ELP6: variants seen among roughly 807,000 people sequenced by gnomAD.
ELP6 encodes the protein elongator complex protein 6.
Under a neutral mutation model 28.1 loss-of-function variants are expected in ELP6, and 23 were observed. The observed-to-expected ratio is 0.82, with a 90% CI of 0.59 to 1.16. ELP6 has a LOEUF of 1.16. Ranked by LOEUF, ELP6 falls within the 50% of genes most tolerant of loss-of-function variation. The probability of loss-of-function intolerance (pLI) is 0.00; values close to 1 mark genes in which losing one functional copy is unlikely to be tolerated. For missense variants in ELP6, 313 were observed against 334.6 expected (o/e 0.94, Z 0.50); for synonymous variants, 132 against 135.8 (o/e 0.97, Z 0.19).
chr3:47,510,139 A>T, intron 3 of ELP6, 45 bp downstream of exon 3: 1 of 1,423,752 alleles, frequency 7.0e-7, no homozygotes, highest in Non-Finnish European at 9.9e-7. Flanking sequence ...TGTGTGACAC[A>T]CACACTCACT....
At position 47,501,762 on chromosome 3, in the gene ELP6, T is replaced by C. The variant is rs1387178847; in HGVS notation, c.413A>G (p.Tyr138Cys). 1.2e-6 allele frequency: 2 copies of C among 1,605,704 alleles called. No individual in the cohort carries two copies. The highest frequency in any genetic ancestry group is 2.8e-5 in the African/African-American group (2 of 72,174). Reference sequence around the variant, plus strand: ...GAGGTCGTCCACCAACAGCACCGGGTACGTCCACCGAGCCTCTCCACTGTC... The same window carrying C: ...GAGGTCGTCCACCAACAGCACCGGGCACGTCCACCGAGCCTCTCCACTGTC... ...PVDSGEARWT[Y>C]PVLLVDDLSV... The change falls in exon 5 of 7, where the codon TAC becomes TGC. Residue 138 changes from tyrosine to cysteine, a missense_variant. Tyr to Cys is a radical substitution (Grantham distance 194). Coordinates refer to ENST00000296149, the MANE Select transcript of ELP6 (RefSeq NM_001031703.3).
At chr3:47,502,808 C>T (rs1345737688) in intron 4 of ELP6, among the ~76,000 whole-genome samples, 2 of 151,978 alleles carry the variant, frequency 1.3e-5, no homozygotes. Context: ...CCACTGCACT[C>T]CAGCTTGGAA....
At chr3:47,496,603 C>T in intron 6 of ELP6, 1 of 695,906 alleles carries the variant, frequency 1.4e-6, no homozygotes, top group Non-Finnish European at 1.8e-6. Context: ...TCAGGCAATT[C>T]TCCTGCTTCA....
chr3:47,501,400 G>C, intron 5 of ELP6: 1 of 520,084 alleles, frequency 1.9e-6, no homozygotes, highest in Non-Finnish European at 3.5e-6. Context: ...ACAGACCTGG[G>C]ACTGCAGCGG....
chr3:47,511,608 T>C (rs1709020130), intron 1 of ELP6: 1 of 636,050 alleles, frequency 1.6e-6, no homozygotes, highest in Non-Finnish European at 2.0e-6. Flanking sequence ...TTGCTAGGAC[T>C]GGAAGAGGCC....
At chr3:47,505,977 C>T (rs990455624) in intron 3 of ELP6, among the ~76,000 whole-genome samples, 50 of 152,146 alleles carry the variant, frequency 3.3e-4, no homozygotes, top group Admixed American at 2.6e-3. Flanking sequence ...AAACCTGCCC[C>T]GATAGTCACG....
Position 47,513,684 on chromosome 3 carries a change from C to A in ELP6, c.-94G>T, listed in dbSNP as rs916760838. ...GCAAAACACACCCGACAGCCCGGCTCGCGCAAGGAAGCGCGCATGCGCAAT... is the reference window on the plus strand; with the variant it reads ...GCAAAACACACCCGACAGCCCGGCTAGCGCAAGGAAGCGCGCATGCGCAAT... On this transcript the variant is annotated 5_prime_UTR_variant, in exon 1 of 7. The change creates a premature stop within an existing upstream ORF in the 5' untranslated region. Coordinates refer to ENST00000296149, the MANE Select transcript of ELP6 (RefSeq NM_001031703.3). 6 of 1,530,886 alleles carry A rather than the reference C, an allele frequency of 3.9e-6. No homozygotes were observed. Among genetic ancestry groups the A allele is most frequent in the Admixed American group, 3.8e-5 (2 of 52,364 alleles). 94.8% of individuals were successfully genotyped at this position (1,530,886 alleles called of 1,614,324 possible).
chr3:47,508,840 C>A (rs1337566118), intron 3 of ELP6, among the ~76,000 whole-genome samples: 4 of 149,930 alleles, frequency 2.7e-5, no homozygotes, highest in African/African-American at 7.4e-5. Context: ...TCTCAGCTCA[C>A]TGCAAGCTCC....
chr3:47,501,455 T>C, intron 5 of ELP6, 195 bp downstream of exon 5: 1 of 601,064 alleles, frequency 1.7e-6, no homozygotes, highest in Non-Finnish European at 3.0e-6. Context: ...TGATCATCCC[T>C]TTATTTTGGG....
intron 1 of ELP6, chr3:47,512,512 G>T: frequency 1.3e-6 from 1 of 746,100 alleles, no homozygotes; most frequent in Non-Finnish European, 1.6e-6. Context: ...GATCGCGCCA[G>T]TGCACTCCAG....
At chr3:47,499,910 G>T in intron 5 of ELP6, 6 of 1,324,336 alleles carry the variant, frequency 4.5e-6, no homozygotes, top group Non-Finnish European at 5.0e-6. Context: ...GGAGGTGGAG[G>T]ACGTGACCCT....
chr3:47,499,995 A>T, intron 5 of ELP6: 1 of 1,322,600 alleles, frequency 7.6e-7, no homozygotes, highest in East Asian at 5.0e-5. Context: ...CTTCAGACAC[A>T]CTGGCGGGTA....
At chr3:47,497,108 T>C (rs1708499616) in intron 6 of ELP6, 1 of 981,164 alleles carries the variant, frequency 1.0e-6, no homozygotes, top group Admixed American at 6.2e-5. Flanking sequence ...GGGTCAGGAG[T>C]GCTCAACTTG....
intron 4 of ELP6, chr3:47,502,994 C>A: frequency 1.0e-6 from 1 of 983,678 alleles, no homozygotes; most frequent in South Asian, 4.4e-5. Flanking sequence ...CTACCCCTGG[C>A]CATCATTTCT....
intron 5 of ELP6, chr3:47,499,935 G>A (rs1252681534): frequency 2.2e-6 from 3 of 1,349,560 alleles, no homozygotes; most frequent in South Asian, 1.2e-5. Context: ...CGTCGTGCCT[G>A]CAGCTTCCGA....
At chr3:47,505,364 TTTTTC>T (rs990382870) in intron 3 of ELP6, among the ~76,000 whole-genome samples, 1 of 152,126 alleles carries the variant, frequency 6.6e-6, no homozygotes, top group Admixed American at 6.6e-5. Context: ...AGGACTTTTT[TTTTTC>T]TTTTCATTTT....
intron 3 of ELP6, among the ~76,000 whole-genome samples, chr3:47,506,793 A>C (rs1257712976): frequency 2.0e-5 from 3 of 152,320 alleles, no homozygotes; most frequent in East Asian, 3.9e-4. Flanking sequence ...GCGAGATGAC[A>C]GGATTAAGAG....
intron 1 of ELP6, chr3:47,512,071 T>C: frequency 1.0e-5 from 10 of 985,306 alleles, no homozygotes; most frequent in Non-Finnish European, 1.1e-5. Context: ...GTGCCAGTGG[T>C]AACTGGCAAG....
At chr3:47,512,137 A>G in intron 1 of ELP6, 1 of 916,362 alleles carries the variant, frequency 1.1e-6, no homozygotes, top group Non-Finnish European at 1.3e-6. Flanking sequence ...ACAAGGATCT[A>G]CTGAAAGCTA....
Sources: allele counts gnomAD v4.1 joint callset (sites outside exome capture counted in the v4.1 genomes callset), GRCh38; gene constraint gnomAD v4.1.1; transcripts MANE v1.5; gene names NCBI Gene and HGNC (gene_info 2026-07-23, HGNC 2026-07-21).